ZCCHC7: variants seen among roughly 807,000 people sequenced by gnomAD.
ZCCHC7 encodes the protein zinc finger CCHC domain-containing protein 7.
In ZCCHC7, 35 loss-of-function variants were observed where a neutral mutation model predicts 52.0. That is an observed-to-expected ratio of 0.67 (90% CI 0.51 to 0.89). The LOEUF (loss-of-function observed/expected upper bound fraction) is 0.89. Ranked by LOEUF, ZCCHC7 falls within the 40% of genes least tolerant of loss-of-function variation. The pLI is 0.00. For missense variants in ZCCHC7, 574 were observed against 649.1 expected, an observed-to-expected ratio of 0.88 and a Z score of 1.26; for synonymous variants, 217 against 221.5, an observed-to-expected ratio of 0.98 and a Z score of 0.18.
chr9:37,195,940 T>A (rs79378013), intron 2 of ZCCHC7, among the ~76,000 whole-genome samples: 2 of 152,228 alleles, frequency 1.3e-5, no homozygotes, highest in Non-Finnish European at 2.9e-5. Context: ...TGTGATTTTT[T>A]AAAATAATTC....
At chr9:37,351,156 G>A (rs576302561) in intron 7 of ZCCHC7, among the ~76,000 whole-genome samples, 26 of 152,060 alleles carry the variant, frequency 1.7e-4, no homozygotes, top group African/African-American at 6.3e-4. Flanking sequence ...GCAACCGTGG[G>A]GGTGAGACAT....
At position 37,354,186 on chromosome 9, in the gene ZCCHC7, G is replaced by A. The variant is rs1033585740; in HGVS notation, c.1084-524G>A. 6.6e-6 allele frequency among the ~76,000 whole-genome samples: 1 copy of A among 152,096 alleles called. No homozygotes were observed. The highest frequency in any genetic ancestry group is 1.5e-5 in the Non-Finnish European group (1 of 68,006). On this transcript the variant is annotated intron_variant, in intron 7 of 8. Coordinates refer to ENST00000336755, the MANE Select transcript of ZCCHC7 (RefSeq NM_032226.3). The surrounding 1 kb of genome is among the most constrained non-coding windows in gnomAD (Gnocchi z 4.0). ...ACCTACCACCAACCTACCCCCCACC[G>A]TTAAGAATCACTACCCCTATAAGCA...
intron 2 of ZCCHC7, chr9:37,186,648 T>C: frequency 1.9e-6 from 1 of 533,488 alleles, no homozygotes; most frequent in East Asian, 3.1e-5. Context: ...TGTACTTTCC[T>C]AAAAATAAAG....
chr9:37,133,521 A>G (rs191397387), intron 2 of ZCCHC7, among the ~76,000 whole-genome samples: 92 of 152,002 alleles, frequency 6.1e-4, no homozygotes, highest in African/African-American at 1.7e-3. Context: ...GAATGCAGGT[A>G]CCTGCCACCA....
chr9:37,266,042 ACTT>A (rs1000591079), intron 2 of ZCCHC7, among the ~76,000 whole-genome samples: 7 of 152,194 alleles, frequency 4.6e-5, no homozygotes, highest in Admixed American at 3.9e-4. Flanking sequence ...TGCCACTTCT[ACTT>A]CTTCTTTAAG....
chr9:37,164,556 A>G (rs561573461), intron 2 of ZCCHC7, among the ~76,000 whole-genome samples: 4 of 152,146 alleles, frequency 2.6e-5, no homozygotes, highest in Non-Finnish European at 4.4e-5. Context: ...GAAAGGAGAG[A>G]AAGAAAAGAA....
intron 2 of ZCCHC7, among the ~76,000 whole-genome samples, chr9:37,128,645 T>C (rs1842638758): frequency 6.6e-6 from 1 of 152,248 alleles, no homozygotes; most frequent in Non-Finnish European, 1.5e-5. Context: ...AGGTACCCAT[T>C]AAGGTAACTA....
chr9:37,167,018 T>A (rs765585226), intron 2 of ZCCHC7, among the ~76,000 whole-genome samples: 4 of 152,184 alleles, frequency 2.6e-5, no homozygotes, highest in Non-Finnish European at 4.4e-5. Flanking sequence ...AAAGGTCAGA[T>A]TTTGGAAAAT....
intron 2 of ZCCHC7, among the ~76,000 whole-genome samples, chr9:37,255,981 T>C (rs1328146879): frequency 6.6e-6 from 1 of 152,186 alleles, no homozygotes; most frequent in Non-Finnish European, 1.5e-5. Context: ...ATGTATTTTC[T>C]TCCAACAGAT....
intron 2 of ZCCHC7, among the ~76,000 whole-genome samples, chr9:37,174,249 C>T (rs868045882): frequency 2.4e-4 from 36 of 152,200 alleles, no homozygotes; most frequent in Admixed American, 7.9e-4. Flanking sequence ...GCGGAGGTTG[C>T]GGTGAGCTGA....
At chr9:37,327,517 T>C (rs937337108) in intron 5 of ZCCHC7, 7 of 364,660 alleles carry the variant, frequency 1.9e-5, no homozygotes, top group African/African-American at 1.2e-4. Context: ...AACTGAGTTA[T>C]GGCTCTTTAT....
chr9:37,254,973 TTATAACTAG>T (rs1408930824), intron 2 of ZCCHC7, among the ~76,000 whole-genome samples: 1 of 151,706 alleles, frequency 6.6e-6, no homozygotes, highest in Non-Finnish European at 1.5e-5. Flanking sequence ...TGCTGATGCC[TTATAACTAG>T]TATCAGAAGA....
At chr9:37,338,623 A>G (rs1414553057) in intron 6 of ZCCHC7, among the ~76,000 whole-genome samples, 3 of 152,142 alleles carry the variant, frequency 2.0e-5, no homozygotes, top group African/African-American at 7.2e-5. Context: ...TCAAATGAAC[A>G]CTCTTTAAGA....
intron 2 of ZCCHC7, among the ~76,000 whole-genome samples, chr9:37,167,959 C>T (rs981809149): frequency 6.6e-6 from 1 of 152,182 alleles, no homozygotes; most frequent in Non-Finnish European, 1.5e-5. Flanking sequence ...ATTTTGAACA[C>T]TTTGCCGAAT....
chr9:37,343,617 G>T (rs1820772983), intron 6 of ZCCHC7, among the ~76,000 whole-genome samples: 1 of 152,210 alleles, frequency 6.6e-6, no homozygotes, highest in Non-Finnish European at 1.5e-5. Context: ...AAAATTCCAT[G>T]AAACTTTTTC....
chr9:37,235,623 ACT>A (rs1825615530), intron 2 of ZCCHC7, among the ~76,000 whole-genome samples: 1 of 135,474 alleles, frequency 7.4e-6, no homozygotes, highest in Non-Finnish European at 1.6e-5. Context: ...GACAAGTCTC[ACT>A]CTGTCGCCAG....
chr9:37,344,726 A>G (rs1820854074), intron 6 of ZCCHC7, among the ~76,000 whole-genome samples: 1 of 150,734 alleles, frequency 6.6e-6, no homozygotes, highest in Admixed American at 6.6e-5. Flanking sequence ...AATATTTTGT[A>G]TGTTTGTGTA....
intron 2 of ZCCHC7, among the ~76,000 whole-genome samples, chr9:37,234,810 T>A (rs539952800): frequency 2.0e-5 from 3 of 152,340 alleles, no homozygotes; most frequent in African/African-American, 7.2e-5. Flanking sequence ...CTTTCAGCTT[T>A]TCATTATAAC....
intron 5 of ZCCHC7, among the ~76,000 whole-genome samples, chr9:37,308,741 G>A (rs961868340): frequency 1.3e-5 from 2 of 152,034 alleles, no homozygotes; most frequent in African/African-American, 4.8e-5. Flanking sequence ...AGCACTTTGG[G>A]AGGCCGAGGC....
Sources: allele counts gnomAD v4.1 joint callset (sites outside exome capture counted in the v4.1 genomes callset), GRCh38; gene constraint gnomAD v4.1.1; non-coding constraint Gnocchi (gnomAD v3.1); transcripts MANE v1.5; gene names NCBI Gene and HGNC (gene_info 2026-07-23, HGNC 2026-07-21).